Variants in PHF6 observed in about 807,000 individuals in gnomAD.
PHF6 encodes the protein PHD finger protein 6.
Under a neutral mutation model 34.0 loss-of-function variants are expected in PHF6, and 7 were observed. That is an observed-to-expected ratio of 0.21 (90% confidence interval 0.12 to 0.39). The LOEUF (loss-of-function observed/expected upper bound fraction) is 0.39. Among genes scored for constraint, PHF6 ranks in the 10% least tolerant of loss-of-function variants. The probability of loss-of-function intolerance (pLI) is 1.00; values close to 1 mark genes in which losing one functional copy is unlikely to be tolerated. For synonymous variants in PHF6, 89 were observed against 88.4 expected (o/e 1.01, Z -0.04); for missense variants, 128 against 262.8 (o/e 0.49, Z 3.55).
intron 3 of PHF6, among the ~76,000 whole-genome samples, chrX:134,382,904 G>C (rs2077313785): frequency 9.1e-6 from 1 of 110,019 alleles, no homozygotes; most frequent in African/African-American, 3.3e-5. Flanking sequence ...AGGCCATTTA[G>C]TTCACCTGTC....
intron 5 of PHF6, among the ~76,000 whole-genome samples, chrX:134,405,999 AC>A (rs2077421550): frequency 9.1e-6 from 1 of 109,881 alleles, no homozygotes; most frequent in African/African-American, 3.3e-5. Context: ...TTTTGCAGCA[AC>A]CATGAAGATT....
At chrX:134,377,461 T>A in intron 1 of PHF6, 111 bp from the exon 2 acceptor site, 8 of 507,695 alleles carry the variant, frequency 1.6e-5, no homozygotes, top group Non-Finnish European at 1.6e-5. Context: ...TAAATAAACA[T>A]TTAAAAATGT....
chrX:134,406,686 CTGA>C (rs1197764817), intron 5 of PHF6, among the ~76,000 whole-genome samples: 1 of 111,907 alleles, frequency 8.9e-6, no homozygotes, highest in East Asian at 2.8e-4. Context: ...GCAAGCTGTG[CTGA>C]TAAGAGGCTG....
At chrX:134,385,766 G>A (rs778153774) in intron 3 of PHF6, among the ~76,000 whole-genome samples, 13 of 111,612 alleles carry the variant, frequency 1.2e-4, no homozygotes, top group African/African-American at 4.2e-4. Context: ...AGAGAGCTGT[G>A]TATGCCTCAA....
intron 3 of PHF6, among the ~76,000 whole-genome samples, chrX:134,386,801 A>G (rs2077333751): frequency 8.9e-6 from 1 of 112,227 alleles, no homozygotes; most frequent in Admixed American, 9.4e-5. Context: ...AGGACCAGAC[A>G]ATATTTAAGG....
intron 1 of PHF6, among the ~76,000 whole-genome samples, chrX:134,373,784 G>C (rs533232073): frequency 8.2e-5 from 9 of 109,278 alleles, no homozygotes; most frequent in East Asian, 2.9e-4. Context: ...TTGGGAAAGA[G>C]GGAGACTCCC....
chrX:134,428,558 A>G lies in PHF6; in HGVS notation c.*2898A>G, dbSNP rs2077514697. 6.4e-6 allele frequency: 1 copy of G among 155,274 alleles called. No individual in the cohort carries two copies. The highest frequency in any genetic ancestry group is 1.3e-5 in the Non-Finnish European group (1 of 79,279). 12.8% of individuals were successfully genotyped at this position (155,274 alleles called of 1,213,427 possible). A position where few individuals can be genotyped will look rare whatever the true frequency, so the allele number is the denominator to read the frequency against. On this transcript the variant is annotated 3_prime_UTR_variant, in exon 11 of 11. Transcript: ENST00000370803. ...TTCTAGAGTGTTGTTGCTTTTTTAA[A>G]AAAAGCGCTGAAGTTAGACCAAGGT...
Position 134,413,593 on chromosome X carries a change from G to A in PHF6, c.521G>A (p.Gly174Glu). 8.3e-7 allele frequency: 1 copy of A among 1,210,923 alleles called. No homozygotes were observed. ...AGGCCAAGAAAAACTAATTTTAAAG[G>A]GCTGTCAGAAGATACCAGGTCCACA... ...KGRPRKTNFK[G>E]LSEDTRSTSS... The change falls in exon 6 of 11, where the codon GGG becomes GAG. Residue 174 changes from glycine (G) to glutamate (E), a missense_variant. Gly to Glu is a moderately conservative substitution (Grantham distance 98, BLOSUM62 -2). Coordinates refer to ENST00000370803, the MANE Select transcript of PHF6 (RefSeq NM_001015877.2).
chrX:134,421,546 G>A (rs747473225), intron 9 of PHF6, among the ~76,000 whole-genome samples: 2 of 111,280 alleles, frequency 1.8e-5, no homozygotes, highest in Non-Finnish European at 3.8e-5. Context: ...GTATTTAAAA[G>A]TGTAACTTTT....
chrX:134,387,755 T>C (rs1462889297), intron 3 of PHF6, among the ~76,000 whole-genome samples: 1 of 111,982 alleles, frequency 8.9e-6, no homozygotes, highest in African/African-American at 3.2e-5. Context: ...TGAAATAATC[T>C]ATTCAGTAAC....
chrX:134,395,871 G>T lies in PHF6; in HGVS notation c.418+1919G>T, dbSNP rs778046701. Among the ~76,000 whole-genome samples the T allele has an allele frequency of 4.5e-5, 5 of 111,744 alleles. No homozygotes were observed. In the East Asian group the frequency reaches 1.4e-3, roughly 31 times the overall value. Reference sequence around the variant, plus strand: ...CTGGATAAATAATAATTTTTTTGAGGTGATAAAATATGACGGAAAAAACCT... The same window carrying T: ...CTGGATAAATAATAATTTTTTTGAGTTGATAAAATATGACGGAAAAAACCT... On this transcript the variant is annotated intron_variant, in intron 5 of 10. Coordinates refer to ENST00000370803, the MANE Select transcript of PHF6 (RefSeq NM_001015877.2).
In PHF6 at chrX:134,427,428, T is replaced by C; in HGVS notation, c.*1768T>C. The C allele has an allele frequency of 6.2e-6, 1 of 161,042 alleles. No homozygotes were observed. The highest frequency in any genetic ancestry group is 9.4e-5 in the East Asian group (1 of 10,674). The allele number at this position is 161,042 out of a possible 1,213,427, so 13.3% of individuals were successfully genotyped here. A position where few individuals can be genotyped will look rare whatever the true frequency, so the allele number is the denominator to read the frequency against. On this transcript the variant is annotated 3_prime_UTR_variant, in exon 11 of 11. Transcript: ENST00000370803. ...TGTGTCTAGATCATTTTTTACATTG[T>C]GTGCCATAGACTTACCCATGGGACA... is the stretch of plus-strand genomic sequence containing the variant.
At chrX:134,422,814 C>T (rs1332455266) in intron 9 of PHF6, among the ~76,000 whole-genome samples, 2 of 111,261 alleles carry the variant, frequency 1.8e-5, no homozygotes, top group Admixed American at 9.6e-5. Context: ...AGCACCTAGA[C>T]TAGTGAAGGC....
rs768427834 is a variant in PHF6, at chrX:134,419,552, G to C, written c.968+2250G>C. 5.4e-5 allele frequency: 6 copies of C among 111,339 alleles called. No homozygotes were observed. The East Asian group carries it at 1.7e-3, about 31-fold the overall frequency. 9.2% of individuals were successfully genotyped at this position (111,339 alleles called of 1,213,427 possible). A position where few individuals can be genotyped will look rare whatever the true frequency, so the allele number is the denominator to read the frequency against. ...TCTTGGTAAGCTAGGAATCTTAATA[G>C]GTGTTTATGAGAAAAACAACAGCAA... On this transcript the variant is annotated intron_variant, in intron 9 of 10. Coordinates refer to ENST00000370803, the MANE Select transcript of PHF6 (RefSeq NM_001015877.2).
At chrX:134,397,108 A>T (rs2077380671) in intron 5 of PHF6, among the ~76,000 whole-genome samples, 1 of 106,104 alleles carries the variant, frequency 9.4e-6, no homozygotes, top group African/African-American at 3.5e-5. Context: ...ATAATATAGC[A>T]ATTCAATTTT....
chrX:134,406,829 G>A (rs995205639), intron 5 of PHF6, among the ~76,000 whole-genome samples: 4 of 112,049 alleles, frequency 3.6e-5, no homozygotes, highest in Non-Finnish European at 7.5e-5. Flanking sequence ...ATTTTGAATA[G>A]ATACATGAAC....
At chrX:134,379,361 C>G (rs1448624727) in intron 3 of PHF6, among the ~76,000 whole-genome samples, 1 of 108,947 alleles carries the variant, frequency 9.2e-6, no homozygotes, top group Non-Finnish European at 1.9e-5. Flanking sequence ...TTTATCTTCC[C>G]CATCCCCAAA....
At chrX:134,404,663 A>G (rs945144813) in intron 5 of PHF6, among the ~76,000 whole-genome samples, 1 of 111,616 alleles carries the variant, frequency 9.0e-6, no homozygotes, top group Admixed American at 9.6e-5. Context: ...AGAGTCCATC[A>G]ATGCGGCAAA....
At chrX:134,423,175 A>G (rs1325939603) in intron 9 of PHF6, among the ~76,000 whole-genome samples, 1 of 111,557 alleles carries the variant, frequency 9.0e-6, no homozygotes, top group African/African-American at 3.3e-5. Flanking sequence ...CTTATACCCA[A>G]TCCATTTTCA....
Sources: gnomAD v4.1 joint callset for allele counts (sites outside exome capture counted in the v4.1 genomes callset) on GRCh38, gnomAD v4.1.1 for gene constraint, MANE v1.5 for transcripts, NCBI Gene and HGNC (gene_info 2026-07-23, HGNC 2026-07-21) for gene names.